Variants in GRID2 observed in about 807,000 individuals in gnomAD.
The protein encoded by GRID2 is glutamate ionotropic receptor delta type subunit 2.
A neutral mutation model predicts 114.8 loss-of-function variants in GRID2; 33 were observed. The ratio of observed to expected loss-of-function variants is 0.29; its 90% confidence interval spans 0.22 to 0.38. GRID2 has a LOEUF of 0.38. Ranked by LOEUF, GRID2 falls within the 10% of genes least tolerant of loss-of-function variation. The pLI is 1.00. For synonymous variants in GRID2, 505 were observed against 449.9 expected, an observed-to-expected ratio of 1.12 and a Z score of -1.55; for missense variants, 1,184 against 1,257.7, an observed-to-expected ratio of 0.94 and a Z score of 0.89.
chr4:92,984,030 T>C (rs375635221), intron 2 of GRID2, among the ~76,000 whole-genome samples: 14 of 152,202 alleles, frequency 9.2e-5, no homozygotes, highest in South Asian at 2.1e-4. Flanking sequence ...GTGTTTTTGA[T>C]TGATAAAATA....
chr4:92,843,073 T>C (rs1013420705), intron 2 of GRID2, among the ~76,000 whole-genome samples: 1 of 151,660 alleles, frequency 6.6e-6, no homozygotes, highest in Non-Finnish European at 1.5e-5. Flanking sequence ...ACCCCATATA[T>C]ACAAAAAATA....
At chr4:93,563,227 T>C (rs1333983501) in intron 13 of GRID2, among the ~76,000 whole-genome samples, 1 of 152,024 alleles carries the variant, frequency 6.6e-6, no homozygotes, top group Non-Finnish European at 1.5e-5. Context: ...TTTATATCCC[T>C]ATCTGTCTAA....
intron 1 of GRID2, among the ~76,000 whole-genome samples, chr4:92,512,574 C>T (rs1724306669): frequency 6.6e-6 from 1 of 151,780 alleles, no homozygotes; most frequent in African/African-American, 2.4e-5. Context: ...TTTATAAATG[C>T]TTTAACTAAA....
intron 2 of GRID2, among the ~76,000 whole-genome samples, chr4:92,742,549 T>G (rs186040384): frequency 1.7e-3 from 253 of 152,312 alleles, no homozygotes; most frequent in African/African-American, 6.0e-3. Flanking sequence ...TGCTGTTCTT[T>G]AAGTTCAAGG....
At chr4:93,748,133 A>G (rs2110274593) in intron 14 of GRID2, among the ~76,000 whole-genome samples, 1 of 152,290 alleles carries the variant, frequency 6.6e-6, no homozygotes, top group African/African-American at 2.4e-5. Context: ...AATGAGCTAT[A>G]AAATTAACCA....
At chr4:92,525,281 A>G (rs1433830546) in intron 1 of GRID2, among the ~76,000 whole-genome samples, 1 of 152,090 alleles carries the variant, frequency 6.6e-6, no homozygotes, top group Non-Finnish European at 1.5e-5. Context: ...TGAAAAAAAA[A>G]CAAAAACAAA....
intron 1 of GRID2, among the ~76,000 whole-genome samples, chr4:92,441,239 G>A (rs1412112599): frequency 6.6e-6 from 1 of 152,160 alleles, no homozygotes. Flanking sequence ...GGCAGGGAGA[G>A]CACGTGTGTT....
chr4:93,682,632 G>A (rs1288433201), intron 14 of GRID2, among the ~76,000 whole-genome samples: 1 of 151,952 alleles, frequency 6.6e-6, no homozygotes, highest in East Asian at 1.9e-4. Context: ...TCCTTTGTAG[G>A]GACATGGATG....
intron 8 of GRID2, among the ~76,000 whole-genome samples, chr4:93,246,600 GA>G (rs1243852587): frequency 1.4e-5 from 2 of 145,002 alleles, no homozygotes; most frequent in African/African-American, 2.6e-5. Context: ...AAAAAAAAAA[GA>G]AAAAAAGAAA....
At chr4:92,912,746 C>G (rs1288545035) in intron 2 of GRID2, among the ~76,000 whole-genome samples, 1 of 151,744 alleles carries the variant, frequency 6.6e-6, no homozygotes, top group Non-Finnish European at 1.5e-5. Flanking sequence ...AAAACAAACT[C>G]TTTAAGAATT....
chr4:93,292,625 T>G (rs1753867109), intron 8 of GRID2, among the ~76,000 whole-genome samples: 1 of 152,212 alleles, frequency 6.6e-6, no homozygotes, highest in South Asian at 2.1e-4. Flanking sequence ...CACTCCATTC[T>G]TGCCACCAAA....
At chr4:92,643,025 T>C (rs1731436458) in intron 2 of GRID2, among the ~76,000 whole-genome samples, 1 of 151,840 alleles carries the variant, frequency 6.6e-6, no homozygotes, top group South Asian at 2.1e-4. Context: ...TGACGTTAAG[T>C]AATGTGATGC....
At chr4:93,077,220 C>A (rs572242030) in intron 2 of GRID2, among the ~76,000 whole-genome samples, 9 of 152,172 alleles carry the variant, frequency 5.9e-5, no homozygotes, top group African/African-American at 1.9e-4. Flanking sequence ...TATGTGATAA[C>A]CAAGTTGAGA....
At chr4:93,292,325 T>C (rs1262216343) in intron 8 of GRID2, among the ~76,000 whole-genome samples, 2 of 152,198 alleles carry the variant, frequency 1.3e-5, no homozygotes, top group Non-Finnish European at 2.9e-5. Context: ...GAGGAGGTAC[T>C]ATGTGCTCAG....
intron 2 of GRID2, among the ~76,000 whole-genome samples, chr4:92,727,399 C>A (rs62310228): frequency 0.059 from 8,927 of 151,962 alleles, 363 homozygotes; most frequent in African/African-American, 0.12. Flanking sequence ...CTACTTTATG[C>A]AAGTTGTAAC....
intron 2 of GRID2, among the ~76,000 whole-genome samples, chr4:92,918,528 C>G (rs1206481779): frequency 6.6e-6 from 1 of 152,118 alleles, no homozygotes; most frequent in Non-Finnish European, 1.5e-5. Context: ...TATGTCCCAT[C>G]AATACCGAAT....
At chr4:93,249,808 C>A (rs184477990) in intron 8 of GRID2, among the ~76,000 whole-genome samples, 95 of 151,882 alleles carry the variant, frequency 6.3e-4, no homozygotes, top group African/African-American at 2.2e-3. Flanking sequence ...CCATCTCATG[C>A]CCGTTAGAAT....
At chr4:93,259,649 T>A (rs900334607) in intron 8 of GRID2, among the ~76,000 whole-genome samples, 2 of 151,874 alleles carry the variant, frequency 1.3e-5, no homozygotes, top group Non-Finnish European at 2.9e-5. Flanking sequence ...TTCAGTTATT[T>A]TTTAATATAT....
rs1267643391 is a variant in GRID2, at chr4:93,517,927, A to ATATATGTATGTATATACATACATG, written c.2193+2543_2193+2566dup. Among the ~76,000 whole-genome samples the ATATATGTATGTATATACATACATG allele has an allele frequency of 3.1e-3, 318 of 102,270 alleles. 1 individual carries two copies. The highest frequency in any genetic ancestry group is 5.4e-3 in the Middle Eastern group (1 of 186). 67.1% of individuals were successfully genotyped at this position (102,270 alleles called of 152,430 possible). A position where few individuals can be genotyped will look rare whatever the true frequency, so the allele number is the denominator to read the frequency against. On this transcript the variant is annotated intron_variant, in intron 13 of 15. Transcript: ENST00000282020. ...GTATGTGTGTGTGTATGTATATACTATATATGTATGTATATACATACATGT... is the reference window on the plus strand; with the variant it reads ...GTATGTGTGTGTGTATGTATATACTATATATGTATGTATATACATACATGTATATGTATGTATATACATACATGT...
Sources: gnomAD v4.1 joint callset for allele counts (sites outside exome capture counted in the v4.1 genomes callset) on GRCh38, gnomAD v4.1.1 for gene constraint, MANE v1.5 for transcripts, NCBI Gene and HGNC (gene_info 2026-07-23, HGNC 2026-07-21) for gene names.